Variants in MAGI1 observed in about 807,000 individuals in gnomAD.
The protein encoded by MAGI1 is membrane associated guanylate kinase, WW and PDZ domain containing 1.
MAGI1 carries 58 observed loss-of-function variants against 139.9 expected under a neutral mutation model. That is an observed-to-expected ratio of 0.41 (90% CI 0.34 to 0.52). The LOEUF is 0.52. Ranked by LOEUF, MAGI1 falls within the 20% of genes least tolerant of loss-of-function variation. The pLI is 0.12. For synonymous variants in MAGI1, 812 were observed against 737.9 expected, an observed-to-expected ratio of 1.10 and a Z score of -1.63; for missense variants, 1,874 against 1,901.6, an observed-to-expected ratio of 0.99 and a Z score of 0.27.
intron 5 of MAGI1, among the ~76,000 whole-genome samples, chr3:65,469,440 A>T (rs1950410550): frequency 6.6e-6 from 1 of 152,160 alleles, no homozygotes; most frequent in African/African-American, 2.4e-5. Flanking sequence ...TTGGTTAGGA[A>T]AACCACATTA....
intron 18 of MAGI1, among the ~76,000 whole-genome samples, chr3:65,373,836 G>A (rs1445329125): frequency 6.6e-6 from 1 of 152,192 alleles, no homozygotes; most frequent in Non-Finnish European, 1.5e-5. Flanking sequence ...TCATTCAAGA[G>A]GCCAGTGTTT....
intron 1 of MAGI1, among the ~76,000 whole-genome samples, chr3:65,964,189 T>G (rs966417512): frequency 5.3e-5 from 8 of 152,180 alleles, no homozygotes; most frequent in African/African-American, 1.9e-4. Flanking sequence ...TCATTCACAG[T>G]GTACCTCTGC....
chr3:65,597,931 G>GT (rs1387781134), intron 2 of MAGI1: 5 of 451,572 alleles, frequency 1.1e-5, no homozygotes, highest in Non-Finnish European at 1.8e-5. Context: ...GGGGTGGGGG[G>GT]GGGGTGGGAC....
chr3:65,545,203 A>G (rs1382082159), intron 2 of MAGI1, among the ~76,000 whole-genome samples: 2 of 152,128 alleles, frequency 1.3e-5, no homozygotes, highest in African/African-American at 2.4e-5. Flanking sequence ...TTTAACACCT[A>G]TCCCAAAATA....
intron 9 of MAGI1, among the ~76,000 whole-genome samples, chr3:65,438,828 C>T (rs1427689594): frequency 3.9e-5 from 6 of 152,216 alleles, no homozygotes; most frequent in Non-Finnish European, 7.3e-5. Flanking sequence ...TACACCTATT[C>T]ATTTACATAA....
In MAGI1 at chr3:65,372,673, T is replaced by G. The variant is rs188707513; in HGVS notation, c.3196+3072A>C. On this transcript the variant is annotated intron_variant, in intron 18 of 22. Transcript: ENST00000402939. Reference sequence around the variant, plus strand: ...TTGTCTACACTGAAAATCTGTCATTTTGTGTAGCCACCTTCATCCATGATC... The same window carrying G: ...TTGTCTACACTGAAAATCTGTCATTGTGTGTAGCCACCTTCATCCATGATC... 3.9e-4 allele frequency among the ~76,000 whole-genome samples: 60 copies of G among 152,350 alleles called. No individual in the cohort carries two copies. The South Asian group carries it at 4.1e-3, about 11-fold the overall frequency.
chr3:65,687,756 A>G (rs2088189718), intron 1 of MAGI1: 4 of 556,416 alleles, frequency 7.2e-6, no homozygotes, highest in African/African-American at 1.9e-5. Context: ...ATCCTTCTGA[A>G]GTTTTGACCA....
chr3:65,365,671 A>C (rs1307026173), intron 18 of MAGI1, among the ~76,000 whole-genome samples: 1 of 152,208 alleles, frequency 6.6e-6, no homozygotes, highest in Non-Finnish European at 1.5e-5. Context: ...TACATTTTCT[A>C]ACAAAGAAAA....
In MAGI1 at chr3:65,415,182, T is replaced by C. The variant is rs187581253; in HGVS notation, c.2168-13712A>G. Among the ~76,000 whole-genome samples, 6 of 152,274 alleles carry C rather than the reference T, an allele frequency of 3.9e-5. 1 individual carries two copies. Among genetic ancestry groups the C allele is most frequent in the Admixed American group, 2.6e-4 (4 of 15,300 alleles). On this transcript the variant is annotated intron_variant, in intron 12 of 22. Transcript: ENST00000402939. ...TGTCACAGACCAAAAGGAACACATC[T>C]CCTACCACCTTTCCTTCCAGGCTCT...
chr3:65,823,956 T>C (rs536566424), intron 1 of MAGI1, among the ~76,000 whole-genome samples: 3 of 152,312 alleles, frequency 2.0e-5, no homozygotes, highest in Non-Finnish European at 4.4e-5. Flanking sequence ...TACCAGATGG[T>C]AGGACATTGG....
intron 2 of MAGI1, among the ~76,000 whole-genome samples, chr3:65,501,453 C>CAAAAAAAAAAAAAAA (rs35967662): frequency 1.2e-5 from 1 of 80,648 alleles, no homozygotes; most frequent in Non-Finnish European, 2.2e-5. Context: ...GACTCTGTCT[C>CAAAAAAAAAAAAAAA]AAAAAAAAAA....
At chr3:65,827,472 G>C (rs2042289737) in intron 1 of MAGI1, among the ~76,000 whole-genome samples, 1 of 152,136 alleles carries the variant, frequency 6.6e-6, no homozygotes, top group Non-Finnish European at 1.5e-5. Context: ...TTGGAACTTA[G>C]CAAAATGACA....
At chr3:65,735,577 C>T (rs765243446) in intron 1 of MAGI1, among the ~76,000 whole-genome samples, 5 of 152,056 alleles carry the variant, frequency 3.3e-5, no homozygotes, top group Non-Finnish European at 5.9e-5. Context: ...TTGGTATTCA[C>T]GGCTCTTGCT....
At chr3:65,919,706 TCTCA>T (rs1323528660) in intron 1 of MAGI1, among the ~76,000 whole-genome samples, 2 of 130,484 alleles carry the variant, frequency 1.5e-5, no homozygotes, top group African/African-American at 6.0e-5. Context: ...TCTCTCTCTC[TCTCA>T]CATTTTTCAA....
chr3:65,546,089 T>C lies in MAGI1; in HGVS notation c.431-52458A>G, dbSNP rs548881529. 2.6e-5 allele frequency among the ~76,000 whole-genome samples: 4 copies of C among 152,142 alleles called. No individual in the cohort carries two copies. The East Asian group carries it at 7.7e-4, about 29-fold the overall frequency. On this transcript the variant is annotated intron_variant, in intron 2 of 22. Coordinates refer to ENST00000402939, the MANE Select transcript of MAGI1 (RefSeq NM_001033057.2). ...AGTCCCTCCCCAGAAACAACCAATG[T>C]TTTCTATGCACACGCACAATTGCAT...
chr3:65,451,129 G>C (rs2107486723), intron 6 of MAGI1, among the ~76,000 whole-genome samples: 2 of 152,136 alleles, frequency 1.3e-5, no homozygotes, highest in Middle Eastern at 6.8e-3. Flanking sequence ...AAAAAGATAA[G>C]AATTTTAAGA....
chr3:65,724,308 G>C (rs571648711), intron 1 of MAGI1, among the ~76,000 whole-genome samples: 2 of 152,196 alleles, frequency 1.3e-5, no homozygotes, highest in Non-Finnish European at 1.5e-5. Flanking sequence ...TCAGGTTTTT[G>C]TCAGAATGGC....
intron 1 of MAGI1, among the ~76,000 whole-genome samples, chr3:65,628,619 C>T (rs2084113907): frequency 6.6e-6 from 1 of 152,044 alleles, no homozygotes; most frequent in Admixed American, 6.6e-5. Context: ...AGCATTTGGG[C>T]ATGCAGTCTA....
chr3:65,402,167 G>A (rs868017041), intron 12 of MAGI1, among the ~76,000 whole-genome samples: 1 of 152,254 alleles, frequency 6.6e-6, no homozygotes, highest in South Asian at 2.1e-4. Flanking sequence ...TTGTTGGAAA[G>A]GAATGGAGCA....
Sources: allele counts gnomAD v4.1 joint callset (sites outside exome capture counted in the v4.1 genomes callset), GRCh38; gene constraint gnomAD v4.1.1; transcripts MANE v1.5; gene names NCBI Gene and HGNC (gene_info 2026-07-23, HGNC 2026-07-21).